The following PCGF6 variants were observed in gnomAD, a reference collection of about 807,000 sequenced individuals.
PCGF6 encodes the protein polycomb group RING finger protein 6.
PCGF6 carries 24 observed loss-of-function variants against 45.5 expected under a neutral mutation model. The observed-to-expected ratio is 0.53, with a 90% CI of 0.38 to 0.74. The LOEUF is 0.74. PCGF6 is among the 30% of genes least tolerant of loss of function. PCGF6 has a pLI of 0.00. For synonymous variants in PCGF6, 152 were observed against 162.1 expected, an observed-to-expected ratio of 0.94 and a Z score of 0.47; for missense variants, 356 against 443.2, an observed-to-expected ratio of 0.80 and a Z score of 1.77.
At chr10:103,340,278 A>G (rs919647969) in intron 6 of PCGF6, among the ~76,000 whole-genome samples, 10 of 150,328 alleles carry the variant, frequency 6.7e-5, no homozygotes, top group Middle Eastern at 3.2e-3. Context: ...TTACAAAGCT[A>G]GAAAACAGCA....
intron 3 of PCGF6, among the ~76,000 whole-genome samples, chr10:103,347,713 G>A (rs4918007): frequency 0.43 from 65,353 of 151,950 alleles, 15,131 homozygotes; most frequent in East Asian, 0.56. Context: ...TGTGTGACAA[G>A]GTCTCACTTT....
At chr10:103,307,006 A>C (rs2093140388) in intron 9 of PCGF6, among the ~76,000 whole-genome samples, 1 of 152,174 alleles carries the variant, frequency 6.6e-6, no homozygotes, top group South Asian at 2.1e-4. Flanking sequence ...CAAGAGGCTG[A>C]GGTGGGAGGA....
chr10:103,307,268 C>A (rs1217025402), intron 9 of PCGF6, among the ~76,000 whole-genome samples: 1 of 151,812 alleles, frequency 6.6e-6, no homozygotes, highest in East Asian at 1.9e-4. Context: ...CAAAGTGAGA[C>A]CCCCATTTCT....
intron 8 of PCGF6, among the ~76,000 whole-genome samples, chr10:103,320,531 T>C (rs555827613): frequency 1.2e-4 from 18 of 151,996 alleles, no homozygotes; most frequent in African/African-American, 4.3e-4. Context: ...CTAAAAAAAC[T>C]AGAAAATTAG....
chr10:103,318,743 GA>G (rs960055960), intron 8 of PCGF6, among the ~76,000 whole-genome samples: 21 of 138,722 alleles, frequency 1.5e-4, no homozygotes, highest in East Asian at 2.1e-4. Context: ...GACTCTGTCT[GA>G]AAAAAAAAAA....
At chr10:103,338,620 A>T (rs1295849120) in intron 6 of PCGF6, among the ~76,000 whole-genome samples, 1 of 151,738 alleles carries the variant, frequency 6.6e-6, no homozygotes. Flanking sequence ...TAATCCCAAT[A>T]CTTTGGGAGG....
intron 1 of PCGF6, among the ~76,000 whole-genome samples, chr10:103,350,438 A>G (rs772425460): frequency 1.1e-4 from 17 of 152,304 alleles, no homozygotes; most frequent in Non-Finnish European, 2.5e-4. Flanking sequence ...CAAAATAATT[A>G]TAATTATTAA....
intron 1 of PCGF6, 152 bp from the exon 2 acceptor site, chr10:103,349,151 G>C (rs1034548185): frequency 1.5e-6 from 1 of 650,268 alleles, no homozygotes; most frequent in Admixed American, 3.1e-5. Flanking sequence ...GGATTAAAGC[G>C]ATTCTCCTGT....
At chr10:103,306,344 C>T (rs1322952064) in intron 9 of PCGF6, among the ~76,000 whole-genome samples, 2 of 152,076 alleles carry the variant, frequency 1.3e-5, no homozygotes, top group East Asian at 3.9e-4. Context: ...GTGATCCGCC[C>T]GCCTTGGCCT....
At chr10:103,321,489 G>A (rs917205391) in intron 8 of PCGF6, among the ~76,000 whole-genome samples, 10 of 152,020 alleles carry the variant, frequency 6.6e-5, no homozygotes, top group African/African-American at 2.4e-4. Context: ...CAAGGTGGGC[G>A]GATCACGAGG....
rs1443703631 is a variant in PCGF6, at chr10:103,350,743, C to G, written c.324G>C (p.Leu108=). ...CCTCCGAGTCCTGCCGGCCTCCCTC[C>G]AGCCTCAACGAGAAGTGACTCATGT... ...EEDMSHFSLR[L]EGGRQDSEDE... is the part of the protein sequence containing the mutation. Residue 108 remains leucine (L), a synonymous_variant, in exon 1 of 10, where the codon CTG becomes CTC. Transcript: ENST00000369847. The G allele has an allele frequency of 1.7e-5, 27 of 1,554,150 alleles. No individual in the cohort carries two copies. The highest frequency in any genetic ancestry group is 2.3e-5 in the Non-Finnish European group (27 of 1,150,004).
chr10:103,347,725 G>C (rs1419970264), intron 3 of PCGF6, among the ~76,000 whole-genome samples: 1 of 152,070 alleles, frequency 6.6e-6, no homozygotes, highest in South Asian at 2.1e-4. Flanking sequence ...TCTCACTTTT[G>C]TCACCCAGGC....
chr10:103,330,642 G>T (rs1041358875), intron 7 of PCGF6, among the ~76,000 whole-genome samples: 3 of 152,042 alleles, frequency 2.0e-5, no homozygotes, highest in Admixed American at 1.3e-4. Flanking sequence ...CTAAAAAGAC[G>T]CCTGGCTGGG....
chr10:103,313,858 T>C (rs188266618), intron 9 of PCGF6, among the ~76,000 whole-genome samples: 1 of 152,304 alleles, frequency 6.6e-6, no homozygotes, highest in Admixed American at 6.5e-5. Flanking sequence ...AGAATCAAAC[T>C]GCCTAGAGTC....
intron 6 of PCGF6, among the ~76,000 whole-genome samples, chr10:103,342,853 T>G (rs1486127087): frequency 2.0e-5 from 3 of 152,318 alleles, no homozygotes; most frequent in Middle Eastern, 3.4e-3. Context: ...TTCTTCTAAT[T>G]TTTCCAAAGG....
rs910328704 is a variant in PCGF6 at position 103,350,635 on chromosome 10, C to T, written c.360+72G>A. 91 of 1,349,348 alleles carry T rather than the reference C, an allele frequency of 6.7e-5. No individual in the cohort carries two copies. The South Asian group carries it at 1.3e-3, about 19-fold the overall frequency. The allele number at this position is 1,349,348 out of a possible 1,614,324, so 83.6% of individuals were successfully genotyped here. A position where few individuals can be genotyped will look rare whatever the true frequency, so the allele number is the denominator to read the frequency against. On this transcript the variant is annotated intron_variant, in intron 1 of 9. Transcript: ENST00000369847. Reference sequence around the variant, plus strand: ...CGGCGCACTAGGATCGGGCCGGCGCCCGGCAGACGAGGGCCAGCTACGTCC... The same window carrying T: ...CGGCGCACTAGGATCGGGCCGGCGCTCGGCAGACGAGGGCCAGCTACGTCC...
At chr10:103,314,721 G>A (rs1449525434) in intron 8 of PCGF6, among the ~76,000 whole-genome samples, 2 of 152,024 alleles carry the variant, frequency 1.3e-5, no homozygotes, top group African/African-American at 2.4e-5. Context: ...AGGCAGAGGC[G>A]GGCAGATCAC....
At chr10:103,309,730 A>C (rs748270020) in intron 9 of PCGF6, among the ~76,000 whole-genome samples, 3 of 151,950 alleles carry the variant, frequency 2.0e-5, no homozygotes, top group Non-Finnish European at 4.4e-5. Context: ...AGGAGTTCAA[A>C]ACCAGCCTGG....
chr10:103,320,359 T>G (rs1458311749), intron 8 of PCGF6, among the ~76,000 whole-genome samples: 1 of 152,114 alleles, frequency 6.6e-6, no homozygotes, highest in East Asian at 1.9e-4. Flanking sequence ...TAATTATTGA[T>G]CTCTAAATTT....
Sources: gnomAD v4.1 joint callset for allele counts (sites outside exome capture counted in the v4.1 genomes callset) on GRCh38, gnomAD v4.1.1 for gene constraint, MANE v1.5 for transcripts, NCBI Gene and HGNC (gene_info 2026-07-23, HGNC 2026-07-21) for gene names.